Variants in CNGB3 observed in about 807,000 individuals in gnomAD.
The protein encoded by CNGB3 is cyclic nucleotide gated channel subunit beta 3.
In CNGB3, 86 loss-of-function variants were observed where a neutral mutation model predicts 92.8. The observed-to-expected ratio is 0.93, with a 90% confidence interval of 0.78 to 1.11. The LOEUF is 1.11. Ranked by LOEUF, CNGB3 falls within the 50% of genes least tolerant of loss-of-function variation. The probability of loss-of-function intolerance (pLI) is 0.00; values close to 1 mark genes in which losing one functional copy is unlikely to be tolerated. For synonymous variants in CNGB3, 333 were observed against 332.7 expected (o/e 1.00, Z -0.01); for missense variants, 1,026 against 956.8 (o/e 1.07, Z -0.95).
At chr8:86,593,571 C>T (rs920040716) in intron 15 of CNGB3, among the ~76,000 whole-genome samples, 6 of 152,134 alleles carry the variant, frequency 3.9e-5, no homozygotes, top group African/African-American at 1.4e-4. Context: ...CTCTCTCCTT[C>T]GAGGTCTTTA....
chr8:86,703,225 T>G (rs1824587716), intron 3 of CNGB3, among the ~76,000 whole-genome samples: 1 of 151,426 alleles, frequency 6.6e-6, no homozygotes, highest in South Asian at 2.1e-4. Flanking sequence ...TATATCCAAA[T>G]ATTTATAATA....
At chr8:86,635,308 C>G (rs2131587410) in intron 10 of CNGB3, among the ~76,000 whole-genome samples, 1 of 152,104 alleles carries the variant, frequency 6.6e-6, no homozygotes, top group East Asian at 1.9e-4. Context: ...TGAAGAGAAA[C>G]AAGATTCTCT....
intron 3 of CNGB3, among the ~76,000 whole-genome samples, chr8:86,690,122 C>T (rs1049376097): frequency 6.6e-6 from 1 of 152,104 alleles, no homozygotes; most frequent in Non-Finnish European, 1.5e-5. Flanking sequence ...GTTCTAGATC[C>T]CTGAGGGATT....
intron 8 of CNGB3, 73 bp from the exon 9 acceptor site, chr8:86,644,759 A>T: frequency 2.0e-6 from 2 of 995,940 alleles, no homozygotes; most frequent in Non-Finnish European, 2.7e-6. Context: ...AACTATATGA[A>T]ATAGATTTTA....
In CNGB3 at chr8:86,643,866, G is replaced by T. The variant is rs764742792; in HGVS notation, c.1063C>A (p.Arg355=). 7 of 1,605,070 alleles carry T rather than the reference G, an allele frequency of 4.4e-6. No homozygotes were observed. The highest frequency in any genetic ancestry group is 1.1e-5 in the South Asian group (1 of 90,792). The change falls in exon 10 of 18, where the codon CGA becomes AGA. Residue 355 remains arginine, a synonymous_variant. Transcript: ENST00000320005. The part of the protein sequence containing the change: ...MDKAYIYRVI[R]TTGYLLFILH... ...ATAAACAGCAAGTATCCAGTTGTTC[G>T]AATAACTCTGTCAGAGAGAATAGAT...
chr8:86,635,481 A>T, intron 10 of CNGB3, among the ~76,000 whole-genome samples: 1 of 151,812 alleles, frequency 6.6e-6, no homozygotes, highest in East Asian at 1.9e-4. Context: ...TTTGGCATGG[A>T]TTTTCCAAAT....
intron 3 of CNGB3, among the ~76,000 whole-genome samples, chr8:86,694,419 C>T (rs1013288897): frequency 8.6e-5 from 13 of 151,330 alleles, no homozygotes; most frequent in Non-Finnish European, 1.2e-4. Context: ...ACCTCCCTCC[C>T]GGACGGGGTG....
At chr8:86,685,842 G>A (rs1422806324) in intron 3 of CNGB3, among the ~76,000 whole-genome samples, 2 of 152,038 alleles carry the variant, frequency 1.3e-5, no homozygotes, top group East Asian at 1.9e-4. Flanking sequence ...TTAAAAAATG[G>A]AGAACATTTA....
intron 1 of CNGB3, among the ~76,000 whole-genome samples, chr8:86,740,136 T>C (rs1403898782): frequency 6.6e-6 from 1 of 152,210 alleles, no homozygotes; most frequent in Non-Finnish European, 1.5e-5. Flanking sequence ...GCCTCATCAT[T>C]TGTCTGATCA....
At chr8:86,648,316 C>T (rs1272347282) in intron 7 of CNGB3, among the ~76,000 whole-genome samples, 2 of 151,134 alleles carry the variant, frequency 1.3e-5, no homozygotes, top group South Asian at 2.1e-4. Context: ...TCAGCCAATT[C>T]TCCTGTGTTC....
chr8:86,698,060 C>G (rs979123702), intron 3 of CNGB3, among the ~76,000 whole-genome samples: 1 of 152,092 alleles, frequency 6.6e-6, no homozygotes, highest in Admixed American at 6.5e-5. Context: ...ATTTGGGAAC[C>G]TTTTATTTTC....
At chr8:86,673,031 T>C (rs1175654637) in intron 3 of CNGB3, among the ~76,000 whole-genome samples, 1 of 152,230 alleles carries the variant, frequency 6.6e-6, no homozygotes, top group Non-Finnish European at 1.5e-5. Flanking sequence ...ATAATTTCAC[T>C]GATTCCTTCT....
In CNGB3 at chr8:86,645,601, G is replaced by T. The variant is rs558801830; in HGVS notation, c.991-915C>A. On this transcript the variant is annotated intron_variant, in intron 8 of 17. Coordinates refer to ENST00000320005, the MANE Select transcript of CNGB3 (RefSeq NM_019098.5). ...CAGAGATTACTTAGTTCAAAATTTT[G>T]CCCAACGTAGATATGACTGCAATAG... Among the ~76,000 whole-genome samples the T allele has an allele frequency of 1.9e-4, 29 of 151,322 alleles. No individual in the cohort carries two copies. The South Asian group carries it at 6.0e-3, about 31-fold the overall frequency.
At chr8:86,654,605 G>T (rs374535877) in intron 6 of CNGB3, among the ~76,000 whole-genome samples, 1 of 152,050 alleles carries the variant, frequency 6.6e-6, no homozygotes, top group Non-Finnish European at 1.5e-5. Flanking sequence ...TATACTAAAA[G>T]CCCAATAAAT....
chr8:86,631,261 C>T (rs1822955771), intron 11 of CNGB3, among the ~76,000 whole-genome samples: 1 of 152,268 alleles, frequency 6.6e-6, no homozygotes, highest in South Asian at 2.1e-4. Context: ...CTCTGAATTT[C>T]TCAAGTGCTG....
chr8:86,579,172 T>C lies in CNGB3; in HGVS notation c.1862A>G (p.Lys621Arg), dbSNP rs1244227094. The change falls in exon 16 of 18, where the codon AAA becomes AGA. Residue 621 changes from lysine to arginine, a missense_variant. Physicochemically the swap from Lys to Arg is conservative, Grantham distance 26 (BLOSUM62 2). Transcript: ENST00000320005. ...HGFANLLTLD[K>R]KTLQEILVHY... ...CACTAGAATTTCTTGGAGGGTCTTTTTGTCTAGAGTTAAAAGATTGGCAAA... is the reference window on the plus strand; with the variant it reads ...CACTAGAATTTCTTGGAGGGTCTTTCTGTCTAGAGTTAAAAGATTGGCAAA... 5.0e-6 allele frequency: 8 copies of C among 1,614,058 alleles called. No individual in the cohort carries two copies. The highest frequency in any genetic ancestry group is 6.8e-6 in the Non-Finnish European group (8 of 1,180,040).
chr8:86,657,299 G>A (rs2131605601), intron 6 of CNGB3: 1 of 338,598 alleles, frequency 3.0e-6, no homozygotes, highest in East Asian at 7.8e-5. Flanking sequence ...ATAATGGGGT[G>A]ACTGGGAAGG....
chr8:86,619,499 T>C (rs1243249808), intron 13 of CNGB3, among the ~76,000 whole-genome samples: 1 of 152,108 alleles, frequency 6.6e-6, no homozygotes, highest in Non-Finnish European at 1.5e-5. Flanking sequence ...TGATCACCCA[T>C]GTTGAAGCAG....
At chr8:86,624,738 G>C (rs1822811090) in intron 13 of CNGB3, among the ~76,000 whole-genome samples, 1 of 152,138 alleles carries the variant, frequency 6.6e-6, no homozygotes, top group Non-Finnish European at 1.5e-5. Context: ...TTTCTTGCCA[G>C]TACCACCCTC....
Sources: gnomAD v4.1 joint callset for allele counts (sites outside exome capture counted in the v4.1 genomes callset) on GRCh38, gnomAD v4.1.1 for gene constraint, MANE v1.5 for transcripts, NCBI Gene and HGNC (gene_info 2026-07-23, HGNC 2026-07-21) for gene names.